The following TSHZ1 variants were observed in gnomAD, a reference collection of about 807,000 sequenced individuals.
TSHZ1 encodes the protein teashirt zinc finger homeobox 1.
A neutral mutation model predicts 67.1 loss-of-function variants in TSHZ1; 12 were observed. That is an observed-to-expected ratio of 0.18 (90% CI 0.11 to 0.29). The LOEUF (loss-of-function observed/expected upper bound fraction) is 0.29, where lower values mean the gene tolerates loss of function less well. Among genes scored for constraint, TSHZ1 ranks in the 10% least tolerant of loss-of-function variants. The pLI, the probability that TSHZ1 is intolerant of heterozygous loss-of-function variation, is 1.00. For missense variants in TSHZ1, 1,305 were observed against 1,413.9 expected, an observed-to-expected ratio of 0.92 and a Z score of 1.23; for synonymous variants, 632 against 622.4, an observed-to-expected ratio of 1.02 and a Z score of -0.23.
chr18:75,230,784 C>T (rs2022988168), intron 1 of TSHZ1, among the ~76,000 whole-genome samples: 1 of 152,124 alleles, frequency 6.6e-6, no homozygotes, highest in Non-Finnish European at 1.5e-5. Flanking sequence ...CTGGCTATTA[C>T]AAGACAAATA....
intron 1 of TSHZ1, among the ~76,000 whole-genome samples, chr18:75,268,853 A>G (rs2023523631): frequency 6.6e-6 from 1 of 152,202 alleles, no homozygotes; most frequent in Admixed American, 6.5e-5. Context: ...CAACTCAGGA[A>G]AGATGGATCT....
In TSHZ1 at chr18:75,288,058, A is replaced by G; in HGVS notation, c.2651A>G (p.Lys884Arg). ...TTGGACGAGCTGTCACCGGTCCACAAGAGGAAGGGCCGGCAGTCCAACTGG... is the reference window on the plus strand; with the variant it reads ...TTGGACGAGCTGTCACCGGTCCACAGGAGGAAGGGCCGGCAGTCCAACTGG... ...EALDELSPVH[K>R]RKGRQSNWNP... is the part of the protein sequence containing the mutation. Residue 884 changes from lysine to arginine, a missense_variant, in exon 2 of 2, where the codon AAG (lysine) becomes AGG (arginine). By Grantham distance (26) the Lys-to-Arg change is conservative. Around this residue, in one of 3 missense-constraint regions of TSHZ1, gnomAD observed 909 missense variants for 961.8 expected, o/e 0.95. Coordinates refer to ENST00000580243, the MANE Select transcript of TSHZ1 (RefSeq NM_001308210.2). This position sits in a 1 kb window ranked among gnomAD's most constrained non-coding sequence, Gnocchi z 4.9. The G allele has an allele frequency of 1.2e-6, 2 of 1,613,868 alleles. No individual in the cohort carries two copies. Among genetic ancestry groups the G allele is most frequent in the Non-Finnish European group, 8.5e-7 (1 of 1,180,024 alleles).
chr18:75,253,038 A>G (rs2023322995), intron 1 of TSHZ1, among the ~76,000 whole-genome samples: 1 of 152,210 alleles, frequency 6.6e-6, no homozygotes, highest in Admixed American at 6.5e-5. Flanking sequence ...TAAATTTTCC[A>G]TTCTAAAAAC....
intron 1 of TSHZ1, among the ~76,000 whole-genome samples, chr18:75,278,527 G>A (rs1014295541): frequency 6.6e-6 from 1 of 152,140 alleles, no homozygotes; most frequent in Non-Finnish European, 1.5e-5. Flanking sequence ...CCTGGGATCT[G>A]GTGCTCTCTG....
intron 1 of TSHZ1, among the ~76,000 whole-genome samples, chr18:75,212,177 G>C (rs1018404620): frequency 2.6e-5 from 4 of 152,194 alleles, no homozygotes; most frequent in Non-Finnish European, 4.4e-5. Context: ...GGGGGAGGCC[G>C]GGGGCCGCGG....
chr18:75,216,746 C>T (rs1438995409), intron 1 of TSHZ1, among the ~76,000 whole-genome samples: 4 of 152,174 alleles, frequency 2.6e-5, no homozygotes, highest in South Asian at 2.1e-4. Context: ...CCAAGACAGT[C>T]GCCCAGGGTG....
intron 1 of TSHZ1, among the ~76,000 whole-genome samples, chr18:75,229,494 C>G (rs536399551): frequency 1.3e-4 from 20 of 152,334 alleles, no homozygotes; most frequent in Admixed American, 1.3e-3. Flanking sequence ...TGTAGGCACT[C>G]TGCTCCATAA....
At chr18:75,258,798 A>G (rs1467932636) in intron 1 of TSHZ1, among the ~76,000 whole-genome samples, 1 of 152,156 alleles carries the variant, frequency 6.6e-6, no homozygotes, top group Non-Finnish European at 1.5e-5. Flanking sequence ...TCGAGCTCAC[A>G]GTGAAGATCA....
chr18:75,251,750 A>AT (rs1328183932), intron 1 of TSHZ1, among the ~76,000 whole-genome samples: 3 of 152,024 alleles, frequency 2.0e-5, no homozygotes, highest in Non-Finnish European at 2.9e-5. Flanking sequence ...AGACAAAGGT[A>AT]TTTTTTCCTT....
At chr18:75,259,156 T>C (rs1241302952) in intron 1 of TSHZ1, among the ~76,000 whole-genome samples, 1 of 152,178 alleles carries the variant, frequency 6.6e-6, no homozygotes, top group Non-Finnish European at 1.5e-5. Context: ...ATGGAATTCA[T>C]TGCAGCACAG....
At chr18:75,253,683 C>A (rs1335333830) in intron 1 of TSHZ1, among the ~76,000 whole-genome samples, 1 of 152,132 alleles carries the variant, frequency 6.6e-6, no homozygotes, top group Non-Finnish European at 1.5e-5. Flanking sequence ...GGCTTAAACA[C>A]AATGAAATAG....
chr18:75,242,185 A>G (rs192975163), intron 1 of TSHZ1, among the ~76,000 whole-genome samples: 103 of 152,174 alleles, frequency 6.8e-4, no homozygotes, highest in African/African-American at 2.2e-3. Context: ...TTTGTCAAGA[A>G]AACAGCCATT....
In TSHZ1 at chr18:75,287,844, A is replaced by T. The variant is rs2023801371; in HGVS notation, c.2437A>T (p.Thr813Ser). The change falls in exon 2 of 2, where the codon ACC becomes TCC. Residue 813 changes from threonine (T) to serine (S), a missense_variant. Coordinates refer to ENST00000580243, the MANE Select transcript of TSHZ1 (RefSeq NM_001308210.2). The surrounding 1 kb of genome is among the most constrained non-coding windows in gnomAD (Gnocchi z 5.0). The part of the protein sequence containing the change: ...YENSDQPIDL[T>S]KSKNKPLVSS... The stretch of plus-strand genomic sequence containing the variant: ...AAACAGCGACCAGCCCATTGACTTA[A>T]CCAAGTCCAAGAACAAGCCGCTGGT... 1 of 1,613,956 alleles carries T rather than the reference A, an allele frequency of 6.2e-7. No individual in the cohort carries two copies. The highest frequency in any genetic ancestry group is 1.3e-5 in the African/African-American group (1 of 74,926).
intron 1 of TSHZ1, among the ~76,000 whole-genome samples, chr18:75,269,532 G>A (rs2023532525): frequency 6.6e-6 from 1 of 152,146 alleles, no homozygotes; most frequent in Admixed American, 6.5e-5. Context: ...GTTTGTCGAG[G>A]GGCAGCTGTC....
At chr18:75,227,513 A>G (rs910903526) in intron 1 of TSHZ1, among the ~76,000 whole-genome samples, 1 of 152,264 alleles carries the variant, frequency 6.6e-6, no homozygotes, top group African/African-American at 2.4e-5. Context: ...AAGGAAAAAA[A>G]AAGTCAGCCA....
chr18:75,249,246 C>T (rs1052939338), intron 1 of TSHZ1, among the ~76,000 whole-genome samples: 1 of 152,180 alleles, frequency 6.6e-6, no homozygotes, highest in Non-Finnish European at 1.5e-5. Flanking sequence ...CTGGTGGAGA[C>T]CCCGGAGCCA....
rs187196776 is a variant in TSHZ1 at position 75,256,894 on chromosome 18, A to G, written c.41-28554A>G. On this transcript the variant is annotated intron_variant, in intron 1 of 1. Coordinates refer to ENST00000580243, the MANE Select transcript of TSHZ1 (RefSeq NM_001308210.2). ...GCTGGAGGTTTGATGCTTGGAATTA[A>G]GATTATGTTTTAATCTTTAAGTTTT... Among the ~76,000 whole-genome samples the G allele has an allele frequency of 1.5e-3, 231 of 152,366 alleles. 1 individual carries two copies. The highest frequency in any genetic ancestry group is 2.5e-3 in the Non-Finnish European group (168 of 68,042).
chr18:75,287,274 T>A lies in TSHZ1; in HGVS notation c.1867T>A (p.Ser623Thr), dbSNP rs778920635. ...SSAEHNALLH[S>T]PGSLTPPPHK... ...CGCCGAGCACAACGCCCTCCTGCAC[T>A]CCCCAGGGAGCCTCACGCCCCCACC... The change falls in exon 2 of 2, where the codon TCC (serine) becomes ACC (threonine). Residue 623 changes from serine (S) to threonine (T), a missense_variant. Around this residue, in one of 3 missense-constraint regions of TSHZ1, gnomAD observed 909 missense variants for 961.8 expected, o/e 0.95. Coordinates refer to ENST00000580243, the MANE Select transcript of TSHZ1 (RefSeq NM_001308210.2). This position sits in a 1 kb window ranked among gnomAD's most constrained non-coding sequence, Gnocchi z 5.0. 2 of 1,613,840 alleles carry A rather than the reference T, an allele frequency of 1.2e-6. No homozygotes were observed. Among genetic ancestry groups the A allele is most frequent in the Non-Finnish European group, 8.5e-7 (1 of 1,179,942 alleles).
chr18:75,253,071 T>C (rs2023323393), intron 1 of TSHZ1, among the ~76,000 whole-genome samples: 1 of 152,248 alleles, frequency 6.6e-6, no homozygotes, highest in Non-Finnish European at 1.5e-5. Context: ...TTTTCAAGTT[T>C]ATTCAAATCT....
Sources: allele counts gnomAD v4.1 joint callset (sites outside exome capture counted in the v4.1 genomes callset), GRCh38; gene constraint gnomAD v4.1.1; regional missense constraint gnomAD v4.1.1; non-coding constraint Gnocchi (gnomAD v3.1); transcripts MANE v1.5; gene names NCBI Gene and HGNC (gene_info 2026-07-23, HGNC 2026-07-21).